Variants in MAGEB1 observed in about 807,000 individuals in gnomAD.
MAGEB1 encodes the protein melanoma-associated antigen B1.
For missense variants in MAGEB1, 290 were observed against 286.7 expected, an observed-to-expected ratio of 1.01 and a Z score of -0.08; for synonymous variants, 99 against 105.7, an observed-to-expected ratio of 0.94 and a Z score of 0.39.
chrX:30,248,538 A>G (rs1242408126), intron 1 of MAGEB1, among the ~76,000 whole-genome samples: 1 of 111,773 alleles, frequency 8.9e-6, no homozygotes, highest in Non-Finnish European at 1.9e-5. Context: ...TGTTTAGTAC[A>G]GGGAGGAGGC....
At chrX:30,245,959 A>G (rs945441716), upstream of MAGEB1, among the ~76,000 whole-genome samples, 3 of 112,000 alleles carry the variant, frequency 2.7e-5, no homozygotes, top group Non-Finnish European at 5.6e-5. Context: ...CCAACATCAC[A>G]TCACTTCTGG....
upstream of MAGEB1, among the ~76,000 whole-genome samples, chrX:30,245,602 C>T (rs1003174531): frequency 2.7e-5 from 3 of 112,291 alleles, no homozygotes; most frequent in African/African-American, 9.7e-5. Flanking sequence ...TCATTTTCTT[C>T]TACAACCCCA....
At position 30,251,474 on chromosome X, in the gene MAGEB1, T is replaced by C; in HGVS notation, c.981T>C (p.Thr327=). The change falls in exon 2 of 2, where the codon ACT becomes ACC. Residue 327 remains threonine, a synonymous_variant. Coordinates refer to ENST00000397548, the MANE Select transcript of MAGEB1 (RefSeq NM_177404.3). The part of the protein sequence containing the change: ...VRSSVRARRR[T]TATTFRARSR... ...CCAGTGTTAGAGCCAGGCGTCGCACTACTGCCACGACTTTTAGAGCGCGTT... is the reference window on the plus strand; with the variant it reads ...CCAGTGTTAGAGCCAGGCGTCGCACCACTGCCACGACTTTTAGAGCGCGTT... The C allele has an allele frequency of 2.5e-6, 3 of 1,211,956 alleles. No homozygotes were observed. The highest frequency in any genetic ancestry group is 3.3e-6 in the Non-Finnish European group (3 of 895,549).
At chrX:30,245,365 ACAC>A (rs1925275675), upstream of MAGEB1, among the ~76,000 whole-genome samples, 1 of 112,259 alleles carries the variant, frequency 8.9e-6, no homozygotes, top group South Asian at 3.7e-4. Context: ...GTCTCAATGC[ACAC>A]CAGGGCTTTG....
intron 1 of MAGEB1, among the ~76,000 whole-genome samples, chrX:30,248,393 A>C (rs901945770): frequency 1.8e-5 from 2 of 112,431 alleles, no homozygotes; most frequent in Non-Finnish European, 3.8e-5. Context: ...CTAGTCCAGA[A>C]CAGGCAGGAA....
At position 30,250,549 on chromosome X, in the gene MAGEB1, G is replaced by A. The variant is rs775448225; in HGVS notation, c.56G>A (p.Arg19Gln). ...GCTCGTGAGAAACGCCGCAAGGCGC[G>A]AGAGGAGACCCAGGGTCTCAAGGTT... ...LRAREKRRKA[R>Q]EETQGLKVAH... is the part of the protein sequence containing the mutation. Residue 19 changes from arginine to glutamine, a missense_variant, in exon 2 of 2, where the codon CGA becomes CAA. Arg to Gln is a conservative substitution (Grantham distance 43). Transcript: ENST00000397548. 14 of 1,207,370 alleles carry A rather than the reference G, an allele frequency of 1.2e-5. No individual in the cohort carries two copies. The highest frequency in any genetic ancestry group is 8.9e-5 in the East Asian group (3 of 33,681).
chrX:30,250,284 C>T, intron 1 of MAGEB1, 150 bp from the exon 2 acceptor site: 6 of 407,058 alleles, frequency 1.5e-5, no homozygotes, highest in South Asian at 5.1e-5. Context: ...TCTGCTGTCA[C>T]CCAGTCAGCC....
In MAGEB1 at chrX:30,247,740, C is replaced by G. The variant is rs191638889; in HGVS notation, c.-61+484C>G. ...CAGGCGGATCACGAGGTCAGGATATCAAGACCATCCTGGCTAACACGGTGA... is the reference window on the plus strand; with the variant it reads ...CAGGCGGATCACGAGGTCAGGATATGAAGACCATCCTGGCTAACACGGTGA... On this transcript the variant is annotated intron_variant, in intron 1 of 1. Transcript: ENST00000397548. Among the ~76,000 whole-genome samples the G allele has an allele frequency of 2.7e-3, 294 of 110,916 alleles. 2 individuals carry two copies. Among genetic ancestry groups the G allele is most frequent in the Middle Eastern group, 0.014 (3 of 216 alleles).
Position 30,250,966 on chromosome X carries a change from A to G in MAGEB1, c.473A>G (p.Glu158Gly). The change falls in exon 2 of 2, where the codon GAG becomes GGG. Residue 158 changes from glutamate to glycine, a missense_variant. Coordinates refer to ENST00000397548, the MANE Select transcript of MAGEB1 (RefSeq NM_177404.3). ...CTCAATGGAGCCTCTCGCCGCTTGG[A>G]GCTCGTCTTTGGCCTTGATTTGAAG... Reference protein sequence around the residue: ...EILNGASRRLELVFGLDLKED... With the variant: ...EILNGASRRLGLVFGLDLKED... 3 of 1,211,708 alleles carry G rather than the reference A, an allele frequency of 2.5e-6. No individual in the cohort carries two copies. Among genetic ancestry groups the G allele is most frequent in the Non-Finnish European group, 3.4e-6 (3 of 895,361 alleles).
At position 30,250,536 on chromosome X, in the gene MAGEB1, C is replaced by T. The variant is rs372724511; in HGVS notation, c.43C>T (p.Arg15Cys). The change falls in exon 2 of 2, where the codon CGC becomes TGC. Residue 15 changes from arginine (R) to cysteine (C), a missense_variant. Transcript: ENST00000397548. Reference protein sequence around the residue: ...QKSKLRAREKRRKAREETQGL... With the variant: ...QKSKLRAREKCRKAREETQGL... Reference sequence around the variant, plus strand: ...GAGTAAGCTCCGTGCTCGTGAGAAACGCCGCAAGGCGCGAGAGGAGACCCA... The same window carrying T: ...GAGTAAGCTCCGTGCTCGTGAGAAATGCCGCAAGGCGCGAGAGGAGACCCA... The T allele has an allele frequency of 3.5e-5, 42 of 1,201,024 alleles. No homozygotes were observed. Among genetic ancestry groups the T allele is most frequent in the Non-Finnish European group, 3.9e-5 (35 of 891,101 alleles).
chrX:30,250,512 A>G lies in MAGEB1; in HGVS notation c.19A>G (p.Ser7Gly). MPRGQK[S>G]KLRAREKRRK... The stretch of plus-strand genomic sequence containing the variant: ...AGCCATCATGCCTCGGGGTCAGAAG[A>G]GTAAGCTCCGTGCTCGTGAGAAACG... The change falls in exon 2 of 2, where the codon AGT becomes GGT. Residue 7 changes from serine to glycine, a missense_variant. By Grantham distance (56) the Ser-to-Gly change is moderately conservative. Transcript: ENST00000397548. 8.4e-7 allele frequency: 1 copy of G among 1,194,933 alleles called. No individual in the cohort carries two copies. Among genetic ancestry groups the G allele is most frequent in the Non-Finnish European group, 1.1e-6 (1 of 887,128 alleles).
chrX:30,250,384 G>T (rs1925469629), intron 1 of MAGEB1, 50 bp from the exon 2 acceptor site: 3 of 660,596 alleles, frequency 4.5e-6, no homozygotes, highest in Admixed American at 4.1e-5. Flanking sequence ...AAGCCAAGGT[G>T]GTACCTCCCT....
Position 30,250,842 on chromosome X carries a change from C to T in MAGEB1, c.349C>T (p.His117Tyr). The change falls in exon 2 of 2, where the codon CAC becomes TAC. Residue 117 changes from histidine to tyrosine, a missense_variant. His to Tyr is a moderately conservative substitution (Grantham distance 83). Coordinates refer to ENST00000397548, the MANE Select transcript of MAGEB1 (RefSeq NM_177404.3). ...PVAWEAGMLM[H>Y]FILRKYKMRE... ...AGCCTGGGAGGCAGGAATGCTGATG[C>T]ACTTCATTCTACGTAAGTATAAAAT... 1 of 1,210,741 alleles carries T rather than the reference C, an allele frequency of 8.3e-7. No individual in the cohort carries two copies. The highest frequency in any genetic ancestry group is 1.1e-6 in the Non-Finnish European group (1 of 894,237).
At chrX:30,250,395 G>A (rs1171422436) in intron 1 of MAGEB1, 39 bp from the exon 2 acceptor site, 4 of 731,591 alleles carry the variant, frequency 5.5e-6, no homozygotes, top group African/African-American at 2.2e-5. Context: ...GTACCTCCCT[G>A]CTGCAAGTAC....
Position 30,247,263 on chromosome X carries a change from A to C in MAGEB1, c.-61+7A>C, listed in dbSNP as rs1229474885. 9.1e-6 allele frequency: 1 copy of C among 110,011 alleles called. No homozygotes were observed. The highest frequency in any genetic ancestry group is 1.9e-5 in the Non-Finnish European group (1 of 52,644). The allele number at this position is 110,011 out of a possible 1,213,427, so 9.1% of individuals were successfully genotyped here. A position where few individuals can be genotyped will look rare whatever the true frequency, so the allele number is the denominator to read the frequency against. ...CAGGCTGCTAGATACTAAGGTGAGG[A>C]ACCCTAGTGGGGACGTAGGGACCAG... On this transcript the variant is annotated splice_region_variant and intron_variant, in intron 1 of 1. Coordinates refer to ENST00000397548, the MANE Select transcript of MAGEB1 (RefSeq NM_177404.3).
chrX:30,250,454 C>T lies in MAGEB1; in HGVS notation c.-40C>T. ...TTCAGGTGCCACATCTCCTGCCTTTCTGCTCACTTTCCTGCCTGTTTTGCC... is the reference window on the plus strand; with the variant it reads ...TTCAGGTGCCACATCTCCTGCCTTTTTGCTCACTTTCCTGCCTGTTTTGCC... On this transcript the variant is annotated 5_prime_UTR_variant, in exon 2 of 2. Transcript: ENST00000397548. 1 of 1,095,782 alleles carries T rather than the reference C, an allele frequency of 9.1e-7. No homozygotes were observed. Among genetic ancestry groups the T allele is most frequent in the Non-Finnish European group, 1.2e-6 (1 of 818,759 alleles). 90.3% of individuals were successfully genotyped at this position (1,095,782 alleles called of 1,213,427 possible).
intron 1 of MAGEB1, among the ~76,000 whole-genome samples, chrX:30,248,075 C>T (rs140308234): frequency 0.012 from 1,370 of 110,315 alleles, 28 homozygotes; most frequent in African/African-American, 0.042. Flanking sequence ...CTTTTGTCTA[C>T]GGGGCATGGT....
At position 30,251,685 on chromosome X, in the gene MAGEB1, T is replaced by A; in HGVS notation, c.*148T>A. 2.0e-6 allele frequency: 1 copy of A among 492,140 alleles called. No individual in the cohort carries two copies. 40.6% of individuals were successfully genotyped at this position (492,140 alleles called of 1,213,427 possible). ...TAGTATCTTTCAAGTGTTTTTCTTT[T>A]AATAGAATGTTTATTTAGAGTTGGG... On this transcript the variant is annotated 3_prime_UTR_variant, in exon 2 of 2. Transcript: ENST00000397548.
upstream of MAGEB1, chrX:30,244,176 G>A (rs1234017593): frequency 1.6e-5 from 2 of 122,972 alleles, no homozygotes; most frequent in Non-Finnish European, 3.8e-5. Flanking sequence ...CCAGGAAGTA[G>A]AGAAAAAAAA....
Sources: allele counts gnomAD v4.1 joint callset (sites outside exome capture counted in the v4.1 genomes callset), GRCh38; gene constraint gnomAD v4.1.1; transcripts MANE v1.5; gene names NCBI Gene and HGNC (gene_info 2026-07-23, HGNC 2026-07-21).